Variants in SLC15A1 observed in about 807,000 individuals in gnomAD.
SLC15A1 encodes the protein Caco-2 oligopeptide transporter.
In SLC15A1, 83 loss-of-function variants were observed where a neutral mutation model predicts 92.9. The ratio of observed to expected loss-of-function variants is 0.89; its 90% CI spans 0.75 to 1.07. The LOEUF (loss-of-function observed/expected upper bound fraction) is 1.07. Among genes scored for constraint, SLC15A1 ranks in the 50% least tolerant of loss-of-function variants. The pLI is 0.00. For missense variants in SLC15A1, 857 were observed against 880.1 expected (o/e 0.97, Z 0.33); for synonymous variants, 322 against 318.2 (o/e 1.01, Z -0.13).
At chr13:98,718,049 G>A (rs2088224593) in intron 8 of SLC15A1, among the ~76,000 whole-genome samples, 1 of 151,876 alleles carries the variant, frequency 6.6e-6, no homozygotes, top group Non-Finnish European at 1.5e-5. Flanking sequence ...CATATGGGGG[G>A]CGGGGGGAGG....
chr13:98,688,593 A>G lies in SLC15A1; in HGVS notation c.1467-16T>C, dbSNP rs778659534. 8.9e-6 allele frequency: 14 copies of G among 1,576,530 alleles called. No individual in the cohort carries two copies. The highest frequency in any genetic ancestry group is 1.1e-5 in the Non-Finnish European group (13 of 1,146,402). ...ATTTACAAATCTGAAACAGAAAACC[A>G]TCTGTCTTGTAACTGAACTAGAGAA... On this transcript the variant is annotated splice_polypyrimidine_tract_variant and intron_variant, in intron 18 of 22. Coordinates refer to ENST00000376503, the MANE Select transcript of SLC15A1 (RefSeq NM_005073.4).
Position 98,751,508 on chromosome 13 carries a change from G to A in SLC15A1, c.4+1087C>T, listed in dbSNP as rs560381856. 3.6e-4 allele frequency among the ~76,000 whole-genome samples: 55 copies of A among 152,332 alleles called. 1 individual carries two copies. The South Asian group carries it at 0.011, about 30-fold the overall frequency. ...ACAGGTGGGACTTGTTTGAGGGCGG[G>A]ACCCAGAACTGCAGCCCAGGAATCT... On this transcript the variant is annotated intron_variant, in intron 1 of 22. Transcript: ENST00000376503.
Position 98,704,292 on chromosome 13 carries a change from C to G in SLC15A1, c.1413G>C (p.Gln471His), listed in dbSNP as rs771310131. 27 of 1,605,356 alleles carry G rather than the reference C, an allele frequency of 1.7e-5. No homozygotes were observed. In the South Asian group the frequency reaches 3.0e-4, roughly 18 times the overall value. ...TLLVWAPNHY[Q>H]VVKDGLNQKP... The stretch of plus-strand genomic sequence containing the variant: ...CTGTAGGTCTTCACACACTTACCAC[C>G]TGGTAGTGATTGGGGGCCCACACTA... Residue 471 changes from glutamine (Q) to histidine (H), a missense_variant, in exon 17 of 23, where the codon CAG becomes CAC. Physicochemically the swap from Gln to His is conservative, Grantham distance 24 (BLOSUM62 0). Transcript: ENST00000376503.
chr13:98,697,552 A>AG (rs1288913223), intron 18 of SLC15A1, among the ~76,000 whole-genome samples: 1 of 151,936 alleles, frequency 6.6e-6, no homozygotes, highest in African/African-American at 2.4e-5. Context: ...AACACCAAAG[A>AG]GAAAGAAGAC....
intron 9 of SLC15A1, 39 bp downstream of exon 9, chr13:98,715,839 G>A (rs908860841): frequency 1.3e-6 from 2 of 1,521,380 alleles, no homozygotes; most frequent in East Asian, 2.2e-5. Flanking sequence ...GTTCTGAGGT[G>A]GTTAAATAGC....
At chr13:98,716,575 T>C in intron 8 of SLC15A1, among the ~76,000 whole-genome samples, 1 of 150,314 alleles carries the variant, frequency 6.7e-6, no homozygotes, top group East Asian at 2.0e-4. Context: ...TGAAATGAGA[T>C]CGTGTCACTG....
intron 8 of SLC15A1, among the ~76,000 whole-genome samples, chr13:98,716,401 C>T (rs1277542801): frequency 6.6e-6 from 1 of 152,118 alleles, no homozygotes; most frequent in African/African-American, 2.4e-5. Context: ...GTGGGCGGAT[C>T]ACTTGAGGTC....
At chr13:98,714,791 T>A (rs144363166) in intron 9 of SLC15A1, among the ~76,000 whole-genome samples, 3,586 of 152,156 alleles carry the variant, frequency 0.024, 70 homozygotes, top group Non-Finnish European at 0.036. Context: ...GATTTTTTTT[T>A]AATAAATGAC....
At position 98,716,514 on chromosome 13, in the gene SLC15A1, C is replaced by G. The variant is rs113681580; in HGVS notation, c.641-554G>C. 1.3e-5 allele frequency among the ~76,000 whole-genome samples: 2 copies of G among 151,330 alleles called. 1 individual carries two copies. The highest frequency in any genetic ancestry group is 2.9e-5 in the Non-Finnish European group (2 of 67,930). On this transcript the variant is annotated intron_variant, in intron 8 of 22. Coordinates refer to ENST00000376503, the MANE Select transcript of SLC15A1 (RefSeq NM_005073.4). Reference sequence around the variant, plus strand: ...ATGGGCACCTGTAATCCCAGCTACTCGGGAGGCTGAGGCAGGAGAATTGCT... The same window carrying G: ...ATGGGCACCTGTAATCCCAGCTACTGGGGAGGCTGAGGCAGGAGAATTGCT...
intron 9 of SLC15A1, among the ~76,000 whole-genome samples, chr13:98,714,059 G>GAA (rs56096468): frequency 0.012 from 1,605 of 134,396 alleles, 34 homozygotes; most frequent in African/African-American, 0.037. Context: ...TCTCAAAAAG[G>GAA]AAAAAAAAAA....
At chr13:98,727,008 T>TCATG (rs2088307509) in intron 1 of SLC15A1, 149 bp from the exon 2 acceptor site, 2 of 712,688 alleles carry the variant, frequency 2.8e-6, no homozygotes, top group African/African-American at 3.5e-5. Context: ...GGCCCCAGAC[T>TCATG]CATGCTTCTT....
Position 98,726,397 on chromosome 13 carries a change from C to T in SLC15A1, c.74G>A (p.Cys25Tyr). The T allele has an allele frequency of 6.2e-7, 1 of 1,614,118 alleles. No individual in the cohort carries two copies. The highest frequency in any genetic ancestry group is 8.5e-7 in the Non-Finnish European group (1 of 1,180,032). ...CATTCCATAGTAGGAAAATCTTTCG[C>T]AAAACTCATTGACCACGATGAAGAA... ...SIFFIVVNEF[C>Y]ERFSYYGMRA... Residue 25 changes from cysteine to tyrosine, a missense_variant, in exon 3 of 23, where the codon TGC becomes TAC. By Grantham distance (194) the Cys-to-Tyr change is radical (BLOSUM62 -2). Transcript: ENST00000376503.
At chr13:98,710,843 CCT>C (rs1384205653) in intron 11 of SLC15A1, among the ~76,000 whole-genome samples, 6 of 151,676 alleles carry the variant, frequency 4.0e-5, no homozygotes, top group Admixed American at 1.3e-4. Flanking sequence ...GAAATCTACC[CCT>C]GTTTGAGTTC....
intron 18 of SLC15A1, among the ~76,000 whole-genome samples, chr13:98,698,792 T>C (rs1342685687): frequency 6.6e-6 from 1 of 152,180 alleles, no homozygotes; most frequent in African/African-American, 2.4e-5. Flanking sequence ...ATTTTTTGTA[T>C]ACTTTTGTAT....
chr13:98,705,893 TAA>T (rs58621986), intron 16 of SLC15A1, among the ~76,000 whole-genome samples: 74,465 of 142,808 alleles, frequency 0.52, 19,024 homozygotes, highest in Non-Finnish European at 0.57. Context: ...AGACTCCATC[TAA>T]AAAAAAAAAA....
At chr13:98,692,821 T>C (rs973565146) in intron 18 of SLC15A1, among the ~76,000 whole-genome samples, 7 of 152,122 alleles carry the variant, frequency 4.6e-5, no homozygotes, top group African/African-American at 1.7e-4. Flanking sequence ...ACATGGCTTA[T>C]TGCAGCCTCG....
intron 18 of SLC15A1, among the ~76,000 whole-genome samples, chr13:98,690,339 G>C (rs1441635145): frequency 6.6e-6 from 1 of 152,178 alleles, no homozygotes; most frequent in Non-Finnish European, 1.5e-5. Context: ...TTTGATAGCT[G>C]ATTAATATGG....
chr13:98,695,654 A>G lies in SLC15A1; in HGVS notation c.1466+6826T>C, dbSNP rs1359572664. 5.3e-5 allele frequency among the ~76,000 whole-genome samples: 8 copies of G among 152,126 alleles called. No individual in the cohort carries two copies. The East Asian group carries it at 1.5e-3, about 29-fold the overall frequency. On this transcript the variant is annotated intron_variant, in intron 18 of 22. Transcript: ENST00000376503. ...GTGATCTGCCCACCTCAGCCTCCCA[A>G]AATGCTGGGATTACAGGCTTGAGCC...
At chr13:98,724,262 G>T (rs903749415) in intron 4 of SLC15A1, among the ~76,000 whole-genome samples, 3 of 152,138 alleles carry the variant, frequency 2.0e-5, no homozygotes, top group African/African-American at 7.2e-5. Context: ...CCAGCACTTT[G>T]GGAGGCCAAA....
Sources: allele counts gnomAD v4.1 joint callset (sites outside exome capture counted in the v4.1 genomes callset), GRCh38; gene constraint gnomAD v4.1.1; transcripts MANE v1.5; gene names NCBI Gene and HGNC (gene_info 2026-07-23, HGNC 2026-07-21).